The following CCDC30 variants were observed in gnomAD, a reference collection of about 807,000 sequenced individuals.
CCDC30 encodes coiled-coil domain-containing protein 30.
Under a neutral mutation model 100.2 loss-of-function variants are expected in CCDC30, and 70 were observed. The ratio of observed to expected loss-of-function variants is 0.70; its 90% CI spans 0.58 to 0.85. The LOEUF is 0.85. Among genes scored for constraint, CCDC30 ranks in the 40% least tolerant of loss-of-function variants. The pLI is 0.00. For synonymous variants in CCDC30, 233 were observed against 269.5 expected (o/e 0.86, Z 1.33); for missense variants, 652 against 771.2 (o/e 0.85, Z 1.83).
intron 6 of CCDC30, among the ~76,000 whole-genome samples, chr1:42,509,688 A>G (rs1046705293): frequency 6.6e-6 from 1 of 152,176 alleles, no homozygotes; most frequent in African/African-American, 2.4e-5. Context: ...TCCTAACCTA[A>G]GGTACCCTTT....
At chr1:42,571,584 A>G (rs915131260) in intron 7 of CCDC30, among the ~76,000 whole-genome samples, 3 of 152,206 alleles carry the variant, frequency 2.0e-5, no homozygotes, top group Non-Finnish European at 4.4e-5. Flanking sequence ...TTAAAACTTG[A>G]TTGAGAATTT....
At chr1:42,593,646 C>G (rs895257021) in intron 10 of CCDC30, 1 of 152,210 alleles carries the variant, frequency 6.6e-6, no homozygotes, top group Non-Finnish European at 1.5e-5. Context: ...TGAGGCTGCC[C>G]CAGAGTCTCC....
intron 6 of CCDC30, among the ~76,000 whole-genome samples, chr1:42,517,330 A>G (rs1428342412): frequency 6.6e-6 from 1 of 152,116 alleles, no homozygotes; most frequent in Non-Finnish European, 1.5e-5. Flanking sequence ...CAATCCTCCC[A>G]CCTTGGCCTC....
intron 5 of CCDC30, among the ~76,000 whole-genome samples, chr1:42,498,138 A>G (rs1644256173): frequency 6.6e-6 from 1 of 152,262 alleles, no homozygotes; most frequent in Non-Finnish European, 1.5e-5. Flanking sequence ...ATGAATGAAC[A>G]TTGAAGACAT....
At chr1:42,541,950 G>T (rs183954187) in intron 6 of CCDC30, among the ~76,000 whole-genome samples, 1 of 152,296 alleles carries the variant, frequency 6.6e-6, no homozygotes, top group East Asian at 1.9e-4. Context: ...TTACACATAA[G>T]AACACCAAGG....
chr1:42,631,993 A>G (rs1647046776), intron 11 of CCDC30, among the ~76,000 whole-genome samples: 1 of 152,128 alleles, frequency 6.6e-6, no homozygotes, highest in South Asian at 2.1e-4. Flanking sequence ...GCTGATACCT[A>G]TGCTGTAAGA....
intron 15 of CCDC30, among the ~76,000 whole-genome samples, chr1:42,646,793 G>A (rs1647919513): frequency 6.6e-6 from 1 of 152,166 alleles, no homozygotes; most frequent in African/African-American, 2.4e-5. Flanking sequence ...GAGCCAAAAA[G>A]GAGGCAGGGA....
chr1:42,461,506 T>C (rs901168306), upstream of CCDC30, among the ~76,000 whole-genome samples: 4 of 151,374 alleles, frequency 2.6e-5, no homozygotes, highest in South Asian at 2.1e-4. Context: ...TGGCTAAATA[T>C]TTTATTTTTC....
rs188935592 is a variant in CCDC30 at position 42,466,910 on chromosome 1, C to T, written c.-92+3012C>T. Among the ~76,000 whole-genome samples the T allele has an allele frequency of 2.3e-3, 344 of 152,240 alleles. 2 individuals are homozygous for T. The highest frequency in any genetic ancestry group is 8.0e-3 in the African/African-American group (331 of 41,528). On this transcript the variant is annotated intron_variant, in intron 1 of 16. Transcript: ENST00000668663. ...GCAATTTTAGGTACAGTTTAGATGT[C>T]AGAGCATTTATAATTTAGTTTTATT...
At position 42,624,816 on chromosome 1, in the gene CCDC30, T is replaced by C. The variant is rs144679570; in HGVS notation, c.1278-12421T>C. On this transcript the variant is annotated intron_variant, in intron 11 of 16. Transcript: ENST00000668663. ...ATTTTGTTAAGGATTTTTGTGTCAA[T>C]ATTCATCAGTGATAGTGGCCTGCAG... 2.0e-5 allele frequency among the ~76,000 whole-genome samples: 3 copies of C among 152,326 alleles called. No individual in the cohort carries two copies. In the East Asian group the frequency reaches 5.8e-4, roughly 29 times the overall value.
chr1:42,616,698 A>T (rs115231973), intron 11 of CCDC30, among the ~76,000 whole-genome samples: 2 of 152,232 alleles, frequency 1.3e-5, no homozygotes, highest in Non-Finnish European at 1.5e-5. Context: ...AGCCAAAAAT[A>T]AGCATAGAAA....
At chr1:42,647,339 AG>A (rs1647970488) in intron 15 of CCDC30, among the ~76,000 whole-genome samples, 2 of 152,142 alleles carry the variant, frequency 1.3e-5, no homozygotes, top group Admixed American at 6.5e-5. Context: ...AAAAACGACA[AG>A]GGGGGTAACC....
At chr1:42,506,396 TACA>T (rs1325421449) in intron 6 of CCDC30, among the ~76,000 whole-genome samples, 3 of 152,056 alleles carry the variant, frequency 2.0e-5, no homozygotes, top group Admixed American at 6.5e-5. Context: ...AACAAAGCAA[TACA>T]ACAATTGCCT....
intron 6 of CCDC30, chr1:42,521,348 T>C (rs1258531153): frequency 4.5e-5 from 7 of 154,718 alleles, no homozygotes; most frequent in African/African-American, 1.7e-4. Context: ...TTGTTTAGTT[T>C]CTACAAATTG....
chr1:42,564,322 TTTTG>T (rs1557858333), intron 6 of CCDC30, among the ~76,000 whole-genome samples: 1 of 151,286 alleles, frequency 6.6e-6, no homozygotes, highest in Admixed American at 6.6e-5. Context: ...TATTCAGGAT[TTTTG>T]TTTTTTTTGA....
chr1:42,652,368 C>T (rs551308066), intron 15 of CCDC30, among the ~76,000 whole-genome samples: 11 of 152,118 alleles, frequency 7.2e-5, no homozygotes, highest in African/African-American at 1.9e-4. Context: ...TCAGTTAGAC[C>T]GGAGGAGTAA....
intron 11 of CCDC30, among the ~76,000 whole-genome samples, chr1:42,627,689 T>C (rs1171394009): frequency 1.3e-5 from 2 of 152,180 alleles, no homozygotes; most frequent in African/African-American, 4.8e-5. Flanking sequence ...AACTTAGCAC[T>C]TGGGCTGTGG....
At chr1:42,582,634 T>C (rs1205949671) in intron 9 of CCDC30, among the ~76,000 whole-genome samples, 1 of 152,192 alleles carries the variant, frequency 6.6e-6, no homozygotes, top group Non-Finnish European at 1.5e-5. Context: ...AATAAACAGG[T>C]TATCATTTGG....
At chr1:42,642,923 A>G (rs1157200680) in intron 13 of CCDC30, among the ~76,000 whole-genome samples, 1 of 152,190 alleles carries the variant, frequency 6.6e-6, no homozygotes, top group African/African-American at 2.4e-5. Context: ...TTGGATACCT[A>G]TGGAATCAAG....
Sources: gnomAD v4.1 joint callset for allele counts (sites outside exome capture counted in the v4.1 genomes callset) on GRCh38, gnomAD v4.1.1 for gene constraint, MANE v1.5 for transcripts, NCBI Gene and HGNC (gene_info 2026-07-23, HGNC 2026-07-21) for gene names.